The following GPM6A variants were observed in gnomAD, a reference collection of about 807,000 sequenced individuals.
GPM6A encodes neuronal membrane glycoprotein M6-a.
Under a neutral mutation model 32.1 loss-of-function variants are expected in GPM6A, and 7 were observed. That is an observed-to-expected ratio of 0.22 (90% CI 0.12 to 0.41). The LOEUF (loss-of-function observed/expected upper bound fraction) is 0.41, where lower values mean the gene tolerates loss of function less well. GPM6A is among the 10% of genes least tolerant of loss of function. GPM6A has a pLI of 1.00. For missense variants in GPM6A, 235 were observed against 347.2 expected (o/e 0.68, Z 2.57); for synonymous variants, 130 against 123.4 (o/e 1.05, Z -0.35).
intron 1 of GPM6A, among the ~76,000 whole-genome samples, chr4:175,882,171 G>A (rs1737300912): frequency 6.6e-6 from 1 of 151,786 alleles, no homozygotes; most frequent in Non-Finnish European, 1.5e-5. Context: ...AGTCAAGAAA[G>A]ACATAATTGT....
chr4:175,743,424 G>C (rs1414759823), intron 1 of GPM6A, among the ~76,000 whole-genome samples: 1 of 151,742 alleles, frequency 6.6e-6, no homozygotes, highest in Non-Finnish European at 1.5e-5. Context: ...AACTAATAAA[G>C]AGGAAATACA....
At chr4:175,976,018 T>A (rs1740645775) in intron 1 of GPM6A, among the ~76,000 whole-genome samples, 2 of 152,188 alleles carry the variant, frequency 1.3e-5, no homozygotes, top group Admixed American at 1.3e-4. Context: ...TGTTTGAAAA[T>A]TCAGTGATTT....
intron 6 of GPM6A, among the ~76,000 whole-genome samples, chr4:175,637,679 A>AT (rs1401362320): frequency 1.3e-3 from 2 of 1,572 alleles, no homozygotes; most frequent in African/African-American, 3.5e-3. Context: ...TATATAATAT[A>AT]TATATAATAT....
intron 1 of GPM6A, among the ~76,000 whole-genome samples, chr4:175,764,598 A>G (rs1732884630): frequency 6.6e-6 from 1 of 152,226 alleles, no homozygotes; most frequent in Admixed American, 6.5e-5. Context: ...CCTTTCCAGT[A>G]TAGAACTCAT....
At chr4:175,728,879 C>A (rs1731289896) in intron 1 of GPM6A, among the ~76,000 whole-genome samples, 1 of 152,162 alleles carries the variant, frequency 6.6e-6, no homozygotes, top group Non-Finnish European at 1.5e-5. Context: ...TAATGCCCAT[C>A]TAAGAGCACC....
At chr4:175,769,962 A>G (rs922135365) in intron 1 of GPM6A, among the ~76,000 whole-genome samples, 6 of 152,182 alleles carry the variant, frequency 3.9e-5, no homozygotes, top group Non-Finnish European at 8.8e-5. Context: ...GAATAATATC[A>G]TTATTTTTGC....
intron 1 of GPM6A, among the ~76,000 whole-genome samples, chr4:175,975,753 T>C (rs1740638410): frequency 6.6e-6 from 1 of 152,228 alleles, no homozygotes. Context: ...AAAAGATTTA[T>C]TAATCAAAGA....
chr4:175,896,085 C>G (rs768900237), intron 1 of GPM6A, among the ~76,000 whole-genome samples: 14 of 152,052 alleles, frequency 9.2e-5, no homozygotes, highest in Non-Finnish European at 1.8e-4. Context: ...ATTACTTTTG[C>G]AAAGGATTTA....
chr4:175,728,507 A>C (rs1309306469), intron 1 of GPM6A, among the ~76,000 whole-genome samples: 2 of 152,198 alleles, frequency 1.3e-5, no homozygotes, highest in Non-Finnish European at 2.9e-5. Context: ...TTTTCTGTAG[A>C]TAAAGATACA....
intron 2 of GPM6A, among the ~76,000 whole-genome samples, chr4:175,687,765 T>C (rs73020150): frequency 0.047 from 7,165 of 152,294 alleles, 197 homozygotes; most frequent in Non-Finnish European, 0.062. Flanking sequence ...TTTTCCATAG[T>C]GGCTGCCCAA....
intron 1 of GPM6A, among the ~76,000 whole-genome samples, chr4:175,985,710 G>T (rs1201152796): frequency 6.6e-6 from 1 of 152,094 alleles, no homozygotes; most frequent in African/African-American, 2.4e-5. Flanking sequence ...GGATTTCCCA[G>T]ATCAGTTTAT....
chr4:175,794,321 A>G (rs1010443852), intron 1 of GPM6A, among the ~76,000 whole-genome samples: 1 of 152,212 alleles, frequency 6.6e-6, no homozygotes, highest in Non-Finnish European at 1.5e-5. Flanking sequence ...TATTCATATA[A>G]TTTCTTTAGA....
At chr4:175,689,027 A>C (rs1744145793) in intron 2 of GPM6A, among the ~76,000 whole-genome samples, 1 of 151,940 alleles carries the variant, frequency 6.6e-6, no homozygotes, top group Non-Finnish European at 1.5e-5. Context: ...TAATTATTCT[A>C]CTTTTTTTGT....
intron 1 of GPM6A, among the ~76,000 whole-genome samples, chr4:175,912,239 C>A (rs1738344162): frequency 6.6e-6 from 1 of 152,036 alleles, no homozygotes; most frequent in Non-Finnish European, 1.5e-5. Context: ...TTCCTCAAAG[C>A]CAATTTTTAA....
chr4:175,970,500 C>T (rs574601957), intron 1 of GPM6A, among the ~76,000 whole-genome samples: 65 of 152,278 alleles, frequency 4.3e-4, no homozygotes, highest in African/African-American at 1.5e-3. Context: ...TATTTACTGA[C>T]AAACGTTTAT....
intron 1 of GPM6A, among the ~76,000 whole-genome samples, chr4:175,867,399 G>T (rs1395945262): frequency 6.6e-6 from 1 of 151,770 alleles, no homozygotes; most frequent in Non-Finnish European, 1.5e-5. Flanking sequence ...TTAACATTTA[G>T]GTCTGTGATC....
intron 4 of GPM6A, among the ~76,000 whole-genome samples, chr4:175,646,816 ACT>A (rs1323199374): frequency 1.3e-5 from 2 of 152,072 alleles, no homozygotes; most frequent in Admixed American, 1.3e-4. Flanking sequence ...GAGATGCCAG[ACT>A]CTCATTCATG....
At chr4:175,915,785 G>C (rs1450992094) in intron 1 of GPM6A, among the ~76,000 whole-genome samples, 6 of 152,218 alleles carry the variant, frequency 3.9e-5, no homozygotes, top group Admixed American at 3.9e-4. Context: ...AGACAACGCT[G>C]TCTGGTGATA....
At chr4:175,651,187 G>T (rs996071580) in intron 4 of GPM6A, among the ~76,000 whole-genome samples, 3 of 152,030 alleles carry the variant, frequency 2.0e-5, no homozygotes, top group African/African-American at 7.2e-5. Flanking sequence ...ATCTACAAAA[G>T]AAGAAAACAG....
Sources: gnomAD v4.1 joint callset for allele counts (sites outside exome capture counted in the v4.1 genomes callset) on GRCh38, gnomAD v4.1.1 for gene constraint, MANE v1.5 for transcripts, NCBI Gene and HGNC (gene_info 2026-07-23, HGNC 2026-07-21) for gene names.